The following UNC5D variants were observed in gnomAD, a reference collection of about 807,000 sequenced individuals.
The protein encoded by UNC5D is unc-5 netrin receptor D, also known as netrin receptor UNC5D.
In UNC5D, 39 loss-of-function variants were observed where a neutral mutation model predicts 105.4. The observed-to-expected ratio is 0.37, with a 90% CI of 0.29 to 0.48. The LOEUF is 0.48. Ranked by LOEUF, UNC5D falls within the 20% of genes least tolerant of loss-of-function variation. UNC5D has a pLI of 0.98. For synonymous variants in UNC5D, 452 were observed against 450.4 expected (o/e 1.00, Z -0.04); for missense variants, 991 against 1,202.4 (o/e 0.82, Z 2.60).
chr8:35,351,282 C>T (rs1812219097), intron 1 of UNC5D, among the ~76,000 whole-genome samples: 1 of 152,074 alleles, frequency 6.6e-6, no homozygotes, highest in Non-Finnish European at 1.5e-5. Flanking sequence ...TAATCCCCTA[C>T]ATGACTCATA....
chr8:35,403,587 A>G (rs1488328341), intron 1 of UNC5D, among the ~76,000 whole-genome samples: 1 of 152,242 alleles, frequency 6.6e-6, no homozygotes, highest in Admixed American at 6.5e-5. Flanking sequence ...ATTGAGCATC[A>G]TAACATAAAA....
At chr8:35,741,357 G>T (rs1013359385) in intron 11 of UNC5D, among the ~76,000 whole-genome samples, 7 of 151,382 alleles carry the variant, frequency 4.6e-5, no homozygotes, top group Non-Finnish European at 8.8e-5. Flanking sequence ...CTCTTTCTGT[G>T]ATCCTATTTC....
At chr8:35,249,715 T>C (rs1229618501) in intron 1 of UNC5D, among the ~76,000 whole-genome samples, 3 of 152,100 alleles carry the variant, frequency 2.0e-5, no homozygotes, top group African/African-American at 7.2e-5. Context: ...AATCCCTGTA[T>C]AGAGCTTATG....
intron 1 of UNC5D, among the ~76,000 whole-genome samples, chr8:35,486,072 GATT>G (rs1483297641): frequency 6.6e-6 from 1 of 152,068 alleles, no homozygotes; most frequent in African/African-American, 2.4e-5. Flanking sequence ...GACAGTTATG[GATT>G]ATTATTCTGC....
chr8:35,359,117 CTCTG>C (rs1200677226), intron 1 of UNC5D, among the ~76,000 whole-genome samples: 5 of 152,194 alleles, frequency 3.3e-5, no homozygotes, highest in Non-Finnish European at 2.9e-5. Flanking sequence ...CACCACTGCA[CTCTG>C]TCTGGATGGC....
At chr8:35,290,226 C>G (rs1419276951) in intron 1 of UNC5D, among the ~76,000 whole-genome samples, 3 of 152,026 alleles carry the variant, frequency 2.0e-5, no homozygotes, top group African/African-American at 7.3e-5. Flanking sequence ...TTCACAATAG[C>G]TGAGATATGG....
rs1803196513 is a variant in UNC5D at position 35,794,889 on chromosome 8, G to C, written c.*4326G>C. The stretch of plus-strand genomic sequence containing the variant: ...GAAAAGTAACAGGGGATGGAAATCA[G>C]ACCTGGCCGTTAGTCACTAGTGTGT... On this transcript the variant is annotated 3_prime_UTR_variant, in exon 17 of 17. Coordinates refer to ENST00000404895, the MANE Select transcript of UNC5D (RefSeq NM_080872.4). 6.6e-6 allele frequency: 1 copy of C among 152,194 alleles called. No individual in the cohort carries two copies. The highest frequency in any genetic ancestry group is 2.1e-4 in the South Asian group (1 of 4,832). The allele number at this position is 152,194 out of a possible 1,614,324, so 9.4% of individuals were successfully genotyped here. A position where few individuals can be genotyped will look rare whatever the true frequency, so the allele number is the denominator to read the frequency against.
intron 8 of UNC5D, among the ~76,000 whole-genome samples, chr8:35,720,741 G>A (rs1290164979): frequency 6.6e-6 from 1 of 152,114 alleles, no homozygotes; most frequent in Non-Finnish European, 1.5e-5. Context: ...TCATCATGAA[G>A]CTGGAATGGA....
chr8:35,688,826 A>G (rs960130472), intron 7 of UNC5D, among the ~76,000 whole-genome samples: 1 of 152,248 alleles, frequency 6.6e-6, no homozygotes, highest in Non-Finnish European at 1.5e-5. Context: ...ACACATGGCC[A>G]GTGTCCATAG....
chr8:35,475,649 A>G (rs539516530), intron 1 of UNC5D, among the ~76,000 whole-genome samples: 4 of 152,312 alleles, frequency 2.6e-5, no homozygotes, highest in South Asian at 4.1e-4. Context: ...AGAATTACCC[A>G]TCCTGAAAAC....
chr8:35,774,269 C>G, intron 15 of UNC5D, 30 bp from the exon 16 acceptor site: 2 of 1,612,414 alleles, frequency 1.2e-6, no homozygotes, highest in African/African-American at 1.3e-5. Flanking sequence ...TCAGATAGAT[C>G]TGATCATGCG....
At chr8:35,645,365 G>A (rs1297106433) in intron 4 of UNC5D, among the ~76,000 whole-genome samples, 1 of 152,144 alleles carries the variant, frequency 6.6e-6, no homozygotes. Context: ...CGTGCATTGT[G>A]TTCTATTAGA....
At chr8:35,445,339 A>T (rs771276799) in intron 1 of UNC5D, among the ~76,000 whole-genome samples, 19 of 152,094 alleles carry the variant, frequency 1.2e-4, no homozygotes, top group Non-Finnish European at 1.8e-4. Flanking sequence ...AAGTTTCAAA[A>T]TGTGGTAGAA....
intron 1 of UNC5D, among the ~76,000 whole-genome samples, chr8:35,268,823 A>G (rs1271431206): frequency 6.6e-6 from 1 of 152,184 alleles, no homozygotes. Context: ...AGAAAGAAGT[A>G]TCTTATGCAG....
chr8:35,322,538 A>T (rs937672936), intron 1 of UNC5D, among the ~76,000 whole-genome samples: 1 of 152,054 alleles, frequency 6.6e-6, no homozygotes, highest in African/African-American at 2.4e-5. Flanking sequence ...CATGTAATAC[A>T]TTTTTTGCTT....
chr8:35,782,405 G>A (rs1488242602), intron 16 of UNC5D, among the ~76,000 whole-genome samples: 1 of 151,944 alleles, frequency 6.6e-6, no homozygotes, highest in Non-Finnish European at 1.5e-5. Context: ...CCTATCTGGT[G>A]CTATATAGTA....
intron 1 of UNC5D, among the ~76,000 whole-genome samples, chr8:35,261,962 G>A (rs939185830): frequency 6.6e-5 from 10 of 152,110 alleles, no homozygotes; most frequent in African/African-American, 2.4e-4. Context: ...ATAAAAGTGG[G>A]TTATTGTAGT....
intron 1 of UNC5D, among the ~76,000 whole-genome samples, chr8:35,534,153 C>A (rs1317075504): frequency 6.6e-6 from 1 of 152,020 alleles, no homozygotes; most frequent in African/African-American, 2.4e-5. Flanking sequence ...TCTCAGTTTT[C>A]TTTTGTAGTT....
At chr8:35,594,970 G>A (rs575223877) in intron 3 of UNC5D, among the ~76,000 whole-genome samples, 1 of 152,306 alleles carries the variant, frequency 6.6e-6, no homozygotes, top group South Asian at 2.1e-4. Context: ...TGACTGGAGG[G>A]CGTTGTGTTT....
Sources: allele counts gnomAD v4.1 joint callset (sites outside exome capture counted in the v4.1 genomes callset), GRCh38; gene constraint gnomAD v4.1.1; transcripts MANE v1.5; gene names NCBI Gene and HGNC (gene_info 2026-07-23, HGNC 2026-07-21).